The following GPR176 variants were observed in gnomAD, a reference collection of about 807,000 sequenced individuals.
The protein encoded by GPR176 is G-protein coupled receptor 176.
GPR176 carries 26 observed loss-of-function variants against 35.4 expected under a neutral mutation model. That is an observed-to-expected ratio of 0.74 (90% CI 0.54 to 1.02). GPR176 has a LOEUF of 1.02. Among genes scored for constraint, GPR176 ranks in the 50% least tolerant of loss-of-function variants. GPR176 has a pLI of 0.00. For missense variants in GPR176, 597 were observed against 665.3 expected (o/e 0.90, Z 1.13); for synonymous variants, 278 against 271.3 (o/e 1.02, Z -0.24).
At chr15:39,840,245 A>G (rs1431178609) in intron 1 of GPR176, among the ~76,000 whole-genome samples, 2 of 152,250 alleles carry the variant, frequency 1.3e-5, no homozygotes, top group Admixed American at 1.3e-4. Flanking sequence ...ATGTCCATCA[A>G]TGATAGACTA....
chr15:39,877,622 C>T (rs533458394), intron 1 of GPR176, among the ~76,000 whole-genome samples: 1 of 150,424 alleles, frequency 6.6e-6, no homozygotes, highest in South Asian at 2.1e-4. Context: ...AGTGCAATGA[C>T]GGATCTCAGG....
At chr15:39,810,958 C>T (rs1383813259) in intron 1 of GPR176, among the ~76,000 whole-genome samples, 5 of 152,122 alleles carry the variant, frequency 3.3e-5, no homozygotes, top group Non-Finnish European at 7.4e-5. Context: ...GTTTGCAGTC[C>T]AAAATGTAAC....
intron 1 of GPR176, among the ~76,000 whole-genome samples, chr15:39,820,570 A>AC (rs2140809606): frequency 6.6e-6 from 1 of 152,316 alleles, no homozygotes; most frequent in South Asian, 2.1e-4. Context: ...ATGATTCTAG[A>AC]CCCAGAATAA....
intron 1 of GPR176, among the ~76,000 whole-genome samples, chr15:39,827,967 G>A (rs939927617): frequency 1.3e-5 from 2 of 152,158 alleles, no homozygotes; most frequent in Non-Finnish European, 2.9e-5. Context: ...ATATGTGGAA[G>A]GCTACATCCT....
chr15:39,857,129 G>C (rs907400292), intron 1 of GPR176, among the ~76,000 whole-genome samples: 2 of 152,186 alleles, frequency 1.3e-5, no homozygotes, highest in Non-Finnish European at 2.9e-5. Context: ...AGTAAGCAAA[G>C]CCATGGGTGT....
At chr15:39,879,313 T>A (rs2032379588) in intron 1 of GPR176, among the ~76,000 whole-genome samples, 1 of 152,170 alleles carries the variant, frequency 6.6e-6, no homozygotes, top group Admixed American at 6.5e-5. Context: ...GGGAGCCCAC[T>A]TAACCTCCTT....
intron 1 of GPR176, among the ~76,000 whole-genome samples, chr15:39,809,177 C>T (rs1232034158): frequency 6.6e-6 from 1 of 152,204 alleles, no homozygotes; most frequent in Non-Finnish European, 1.5e-5. Context: ...TGCCTCTAGA[C>T]AGCATGCAGA....
chr15:39,865,464 C>A (rs2031787828), intron 1 of GPR176, among the ~76,000 whole-genome samples: 1 of 152,014 alleles, frequency 6.6e-6, no homozygotes, highest in Non-Finnish European at 1.5e-5. Context: ...ATGACAAATA[C>A]CATATGTTCT....
chr15:39,843,549 T>C (rs535457576), intron 1 of GPR176, among the ~76,000 whole-genome samples: 1 of 151,964 alleles, frequency 6.6e-6, no homozygotes, highest in African/African-American at 2.4e-5. Context: ...AGGTTGAACA[T>C]GCCAGTTGAT....
At chr15:39,893,794 C>T (rs1484778171) in intron 1 of GPR176, among the ~76,000 whole-genome samples, 3 of 145,982 alleles carry the variant, frequency 2.1e-5, no homozygotes, top group Non-Finnish European at 3.1e-5. Context: ...ACCCCCCCAC[C>T]TCCCTCCCGG....
rs1898806737 is a variant in GPR176, at chr15:39,800,967, G to A, written c.*165C>T. ...TACTCCCTCAATAAAGAGGACACTG[G>A]ATTTTATGTAGATTTCCCTATCATT... On this transcript the variant is annotated 3_prime_UTR_variant, in exon 3 of 3. Transcript: ENST00000561100. The A allele has an allele frequency of 4.7e-6, 3 of 638,666 alleles. No individual in the cohort carries two copies. 39.6% of individuals were successfully genotyped at this position (638,666 alleles called of 1,614,324 possible).
chr15:39,836,261 A>C (rs1901393831), intron 1 of GPR176, among the ~76,000 whole-genome samples: 1 of 152,090 alleles, frequency 6.6e-6, no homozygotes, highest in South Asian at 2.1e-4. Context: ...TGTGATTCCC[A>C]TTGTTGGAAG....
At chr15:39,887,813 G>A (rs1383096069) in intron 1 of GPR176, among the ~76,000 whole-genome samples, 1 of 152,194 alleles carries the variant, frequency 6.6e-6, no homozygotes, top group Non-Finnish European at 1.5e-5. Flanking sequence ...TTGAAGGGTA[G>A]CTGAATATGC....
chr15:39,851,652 A>G (rs1258494828), intron 1 of GPR176, among the ~76,000 whole-genome samples: 1 of 151,934 alleles, frequency 6.6e-6, no homozygotes, highest in African/African-American at 2.4e-5. Flanking sequence ...ATTAACATCA[A>G]CTCTTGTTTT....
chr15:39,914,579 G>C (rs2033676581), intron 1 of GPR176, among the ~76,000 whole-genome samples: 1 of 152,018 alleles, frequency 6.6e-6, no homozygotes, highest in African/African-American at 2.4e-5. Flanking sequence ...CAAAGTGCTG[G>C]GATTACAGGC....
intron 1 of GPR176, among the ~76,000 whole-genome samples, chr15:39,896,259 A>G (rs1014183241): frequency 6.7e-6 from 1 of 148,738 alleles, no homozygotes; most frequent in African/African-American, 2.6e-5. Flanking sequence ...GGGTCTCACA[A>G]AGTTTCCTAG....
intron 1 of GPR176, among the ~76,000 whole-genome samples, chr15:39,839,959 G>A (rs1164869767): frequency 6.6e-6 from 1 of 152,102 alleles, no homozygotes; most frequent in African/African-American, 2.4e-5. Context: ...TTAGAATGGC[G>A]ATCATTAAAA....
intron 1 of GPR176, among the ~76,000 whole-genome samples, chr15:39,824,745 T>C (rs1287516958): frequency 2.0e-5 from 3 of 152,250 alleles, no homozygotes; most frequent in African/African-American, 4.8e-5. Context: ...TTACTAGTTA[T>C]GTAGGATCCT....
At chr15:39,802,975 T>C (rs1281181084) in intron 2 of GPR176, among the ~76,000 whole-genome samples, 1 of 152,208 alleles carries the variant, frequency 6.6e-6, no homozygotes, top group East Asian at 1.9e-4. Context: ...AGATGAGACA[T>C]TGTTTTTCCT....
Sources: gnomAD v4.1 joint callset for allele counts (sites outside exome capture counted in the v4.1 genomes callset) on GRCh38, gnomAD v4.1.1 for gene constraint, MANE v1.5 for transcripts, NCBI Gene and HGNC (gene_info 2026-07-23, HGNC 2026-07-21) for gene names.